The following FBN2 variants were observed in gnomAD, a reference collection of about 807,000 sequenced individuals.
FBN2 encodes the protein fibrillin-2.
In FBN2, 105 loss-of-function variants were observed where a neutral mutation model predicts 355.6. The ratio of observed to expected loss-of-function variants is 0.30; its 90% confidence interval spans 0.25 to 0.35. The LOEUF (loss-of-function observed/expected upper bound fraction) is 0.35. Ranked by LOEUF, FBN2 falls within the 10% of genes least tolerant of loss-of-function variation. The pLI is 1.00. For missense variants in FBN2, 3,280 were observed against 3,758.7 expected (o/e 0.87, Z 3.33); for synonymous variants, 1,350 against 1,301.2 (o/e 1.04, Z -0.81).
At chr5:128,358,087 A>G (rs1257116338) in intron 19 of FBN2, among the ~76,000 whole-genome samples, 1 of 152,198 alleles carries the variant, frequency 6.6e-6, no homozygotes, top group African/African-American at 2.4e-5. Context: ...TAATCTAAAC[A>G]ATTCCTGTTG....
intron 6 of FBN2, among the ~76,000 whole-genome samples, chr5:128,458,318 A>G (rs1754459768): frequency 6.6e-6 from 1 of 152,116 alleles, no homozygotes; most frequent in Non-Finnish European, 1.5e-5. Flanking sequence ...ACAAGTTATT[A>G]GAGGCCTATA....
intron 51 of FBN2, 104 bp downstream of exon 51, chr5:128,289,778 A>G (rs1749269037): frequency 2.8e-6 from 2 of 710,132 alleles, no homozygotes; most frequent in East Asian, 2.7e-5. Flanking sequence ...TAAATACAAT[A>G]TACTATATGT....
rs756600017 is a variant in FBN2, at chr5:128,290,820, G to C, written c.6357C>G (p.Phe2119Leu). 1.9e-6 allele frequency: 3 copies of C among 1,614,018 alleles called. No homozygotes were observed. In the South Asian group the frequency reaches 3.3e-5, roughly 18 times the overall value. The change falls in exon 50 of 65, where the codon TTC becomes TTG. Residue 2119 changes from phenylalanine to leucine, a missense_variant. Around this residue, in one of 6 missense-constraint regions of FBN2, gnomAD observed 2,284 missense variants for 2,749.5 expected, o/e 0.83. Transcript: ENST00000262464. ...ENGKCSVPKA[F>L]NTTKAKCCCS... ...AGCAGCATTTTGCTTTTGTGGTGTT[G>C]AAAGCTTTGGGTACAGAACACTTTC... is the stretch of plus-strand genomic sequence containing the variant.
chr5:128,482,497 A>G (rs574599583), intron 5 of FBN2, among the ~76,000 whole-genome samples: 3 of 152,290 alleles, frequency 2.0e-5, no homozygotes, highest in Non-Finnish European at 4.4e-5. Flanking sequence ...CTTTTTTGCA[A>G]CCAAGACCCT....
chr5:128,496,247 A>G (rs1267717375), intron 5 of FBN2, among the ~76,000 whole-genome samples: 1 of 152,114 alleles, frequency 6.6e-6, no homozygotes, highest in Non-Finnish European at 1.5e-5. Flanking sequence ...AAAACTACAG[A>G]CAATATTCTA....
intron 7 of FBN2, among the ~76,000 whole-genome samples, chr5:128,445,112 A>T (rs1407822219): frequency 6.6e-6 from 1 of 152,206 alleles, no homozygotes; most frequent in Non-Finnish European, 1.5e-5. Context: ...TCCAAGTGTT[A>T]CTTTCACCTT....
At chr5:128,296,948 CTTTCCTGCTTTCT>C (rs1749538133) in intron 48 of FBN2, among the ~76,000 whole-genome samples, 1 of 152,168 alleles carries the variant, frequency 6.6e-6, no homozygotes, top group Non-Finnish European at 1.5e-5. Context: ...AATTTTGGAA[CTTTCCTGCTTTCT>C]CTTGTGAGCA....
At chr5:128,301,332 AT>A (rs769395976) in intron 47 of FBN2, 49 bp downstream of exon 47, 20 of 1,533,084 alleles carry the variant, frequency 1.3e-5, no homozygotes, top group Non-Finnish European at 1.7e-5. Flanking sequence ...ACATATCATC[AT>A]TTTACAAAAC....
At chr5:128,508,153 G>A (rs1014290924) in intron 5 of FBN2, among the ~76,000 whole-genome samples, 1 of 151,884 alleles carries the variant, frequency 6.6e-6, no homozygotes, top group African/African-American at 2.4e-5. Context: ...TAATCCATTA[G>A]TGTCTTCTAT....
chr5:128,340,001 C>T (rs896254570), intron 25 of FBN2, among the ~76,000 whole-genome samples: 3 of 152,104 alleles, frequency 2.0e-5, no homozygotes, highest in Non-Finnish European at 4.4e-5. Context: ...AGTTTGTTTC[C>T]TCTTTTTATA....
At chr5:128,264,197 A>G (rs780272375) in intron 62 of FBN2, among the ~76,000 whole-genome samples, 13 of 152,218 alleles carry the variant, frequency 8.5e-5, no homozygotes, top group Non-Finnish European at 1.6e-4. Flanking sequence ...ATCAATTAAA[A>G]AAGTCCCTAT....
chr5:128,359,942 C>A (rs1209390965), intron 19 of FBN2, among the ~76,000 whole-genome samples: 17 of 152,086 alleles, frequency 1.1e-4, no homozygotes, highest in Admixed American at 1.1e-3. Flanking sequence ...AGACACTATC[C>A]ATTTAGTTCC....
At chr5:128,486,598 C>T (rs1755343230) in intron 5 of FBN2, among the ~76,000 whole-genome samples, 1 of 152,128 alleles carries the variant, frequency 6.6e-6, no homozygotes, top group Non-Finnish European at 1.5e-5. Context: ...GAGTAGACTT[C>T]TTACAAGAAC....
chr5:128,356,378 T>C (rs990097082), intron 20 of FBN2, among the ~76,000 whole-genome samples: 1 of 152,232 alleles, frequency 6.6e-6, no homozygotes, highest in African/African-American at 2.4e-5. Context: ...ATGTCAGACA[T>C]AATACTGAAA....
At chr5:128,376,486 A>G (rs929859300) in intron 14 of FBN2, among the ~76,000 whole-genome samples, 1 of 152,224 alleles carries the variant, frequency 6.6e-6, no homozygotes, top group Non-Finnish European at 1.5e-5. Flanking sequence ...AAGACTTGCT[A>G]AAACCAATCT....
chr5:128,415,102 T>G (rs1753161450), intron 7 of FBN2, among the ~76,000 whole-genome samples: 1 of 152,180 alleles, frequency 6.6e-6, no homozygotes, highest in Non-Finnish European at 1.5e-5. Context: ...TATACATTTT[T>G]ATGGGACACA....
At chr5:128,401,851 A>G (rs1752806087) in intron 8 of FBN2, among the ~76,000 whole-genome samples, 1 of 152,236 alleles carries the variant, frequency 6.6e-6, no homozygotes, top group East Asian at 1.9e-4. Flanking sequence ...CCTGTAATAC[A>G]TGTACTGAAG....
At chr5:128,498,423 C>A (rs1053029224) in intron 5 of FBN2, among the ~76,000 whole-genome samples, 1 of 152,150 alleles carries the variant, frequency 6.6e-6, no homozygotes, top group Non-Finnish European at 1.5e-5. Context: ...GTTCTTTGAT[C>A]TTGTCTAGTT....
intron 51 of FBN2, among the ~76,000 whole-genome samples, 197 bp from the exon 52 acceptor site, chr5:128,289,449 A>C (rs914103863): frequency 1.3e-5 from 2 of 152,050 alleles, no homozygotes; most frequent in Non-Finnish European, 2.9e-5. Flanking sequence ...TTAGCCAGGC[A>C]TGGTGGCGCA....
Sources: gnomAD v4.1 joint callset for allele counts (sites outside exome capture counted in the v4.1 genomes callset) on GRCh38, gnomAD v4.1.1 for gene constraint, gnomAD v4.1.1 regional missense constraint, MANE v1.5 for transcripts, NCBI Gene and HGNC (gene_info 2026-07-23, HGNC 2026-07-21) for gene names.